Variants in SP8 observed in about 807,000 individuals in gnomAD.
SP8 encodes transcription factor Sp8.
Under a neutral mutation model 15.3 loss-of-function variants are expected in SP8, and 7 were observed. The observed-to-expected ratio is 0.46, with a 90% confidence interval of 0.26 to 0.86. The LOEUF (loss-of-function observed/expected upper bound fraction) is 0.86. SP8 is among the 40% of genes least tolerant of loss of function. The pLI is 0.16. For missense variants in SP8, 731 were observed against 736.4 expected (o/e 0.99, Z 0.09); for synonymous variants, 415 against 356.3 (o/e 1.16, Z -1.86).
rs1425304055 is a variant in SP8 at position 20,784,527 on chromosome 7, G to A, written c.1290C>T (p.Gly430=). The change falls in exon 2 of 2, where the codon GGC becomes GGT. Residue 430 remains glycine (G), a synonymous_variant. Transcript: ENST00000418710. ...AAACTGGACAGGCGAAGCGCTTCTC[G>A]CCGGTGTGGGTCCGCAGGTGCCGCT... ...ELQRHLRTHT[G]EKRFACPVCN... is the part of the protein sequence containing the mutation. 2 of 1,576,538 alleles carry A rather than the reference G, an allele frequency of 1.3e-6. No individual in the cohort carries two copies. Among genetic ancestry groups the A allele is most frequent in the Non-Finnish European group, 1.7e-6 (2 of 1,162,380 alleles).
In SP8 at chr7:20,785,948, C is replaced by G. The variant is rs560449240; in HGVS notation, c.22-153G>C. On this transcript the variant is annotated intron_variant, in intron 1 of 1. Transcript: ENST00000418710. This position sits in a 1 kb window ranked among gnomAD's most constrained non-coding sequence, Gnocchi z 7.2. The stretch of plus-strand genomic sequence containing the variant: ...CTGCGGCGCGCCGCCACCAACTCAC[C>G]TGGCACCCCCAACAGCCCCGGCGCC... The G allele has an allele frequency of 6.8e-7, 1 of 1,462,674 alleles. No homozygotes were observed. The highest frequency in any genetic ancestry group is 9.0e-7 in the Non-Finnish European group (1 of 1,105,376). The allele number at this position is 1,462,674 out of a possible 1,614,324, so 90.6% of individuals were successfully genotyped here.
In SP8 at chr7:20,785,250, C is replaced by T; in HGVS notation, c.567G>A (p.Gly189=). ...CCACCCGCGGGTAGATGCCCTGCAG[C>T]CCGTCCACAGAGGTGTGCACCTTGG... The part of the protein sequence containing the change: ...FISKVHTSVD[G]LQGIYPRVGM... The change falls in exon 2 of 2, where the codon GGG becomes GGA. Residue 189 remains glycine, a synonymous_variant. Coordinates refer to ENST00000418710, the MANE Select transcript of SP8 (RefSeq NM_182700.6). This position sits in a 1 kb window ranked among gnomAD's most constrained non-coding sequence, Gnocchi z 7.2. The T allele has an allele frequency of 6.3e-7, 1 of 1,596,734 alleles. No homozygotes were observed. Among genetic ancestry groups the T allele is most frequent in the South Asian group, 1.1e-5 (1 of 88,920 alleles).
chr7:20,785,181 C>G lies in SP8; in HGVS notation c.636G>C (p.Pro212=), dbSNP rs1783625458. The change falls in exon 2 of 2, where the codon CCG becomes CCC. Residue 212 remains proline (P), a synonymous_variant. Coordinates refer to ENST00000418710, the MANE Select transcript of SP8 (RefSeq NM_182700.6). This position sits in a 1 kb window ranked among gnomAD's most constrained non-coding sequence, Gnocchi z 7.2. ...PYESWFKPSH[P]GLGAAGEVGS... ...CCACCTCGCCCGCAGCACCCAGGCCCGGGTGCGAGGGCTTAAACCACGACT... is the reference window on the plus strand; with the variant it reads ...CCACCTCGCCCGCAGCACCCAGGCCGGGGTGCGAGGGCTTAAACCACGACT... The G allele has an allele frequency of 6.3e-7, 1 of 1,598,920 alleles. No homozygotes were observed. Among genetic ancestry groups the G allele is most frequent in the Non-Finnish European group, 8.5e-7 (1 of 1,174,324 alleles).
chr7:20,784,544 G>A lies in SP8; in HGVS notation c.1273C>T (p.Leu425=), dbSNP rs761189822. ...FTRSDELQRH[L]RTHTGEKRFA... is the part of the protein sequence containing the mutation. ...CGCTTCTCGCCGGTGTGGGTCCGCA[G>A]GTGCCGCTGCAGCTCGTCGGAGCGC... The change falls in exon 2 of 2, where the codon CTG becomes TTG. Residue 425 remains leucine, a synonymous_variant. Coordinates refer to ENST00000418710, the MANE Select transcript of SP8 (RefSeq NM_182700.6). 8 of 1,590,734 alleles carry A rather than the reference G, an allele frequency of 5.0e-6. No individual in the cohort carries two copies. Among genetic ancestry groups the A allele is most frequent in the Admixed American group, 3.5e-5 (2 of 56,616 alleles).
In SP8 at chr7:20,784,399, T is replaced by C. The variant is rs945618450; in HGVS notation, c.1418A>G (p.Lys473Arg). Residue 473 changes from lysine (K) to arginine (R), a missense_variant, in exon 2 of 2, where the codon AAG becomes AGG. By Grantham distance (26) the Lys-to-Arg change is conservative. This residue lies in a region of SP8 where 114 missense variants were observed against 111.9 expected (regional missense o/e 1.02). Transcript: ENST00000418710. ...GGSAGSGSGGKKGSDTDSEHS... is the reference protein window; with the variant it reads ...GGSAGSGSGGRKGSDTDSEHS... ...CTCGCTGTCGGTGTCGCTGCCCTTC[T>C]TGCCGCCGCTGCCCGAGCCCGCCGA... is the stretch of plus-strand genomic sequence containing the variant. The C allele has an allele frequency of 1.0e-5, 16 of 1,527,334 alleles. No individual in the cohort carries two copies. The African/African-American group carries it at 2.1e-4, about 20-fold the overall frequency. The allele number at this position is 1,527,334 out of a possible 1,614,324, so 94.6% of individuals were successfully genotyped here.
At position 20,785,417 on chromosome 7, in the gene SP8, CGG is replaced by C; in HGVS notation, c.398_399del (p.Ala133GlyfsTer75). 2.5e-6 allele frequency: 3 copies of C among 1,187,032 alleles called. No individual in the cohort carries two copies. Among genetic ancestry groups the C allele is most frequent in the Non-Finnish European group, 3.2e-6 (3 of 943,506 alleles). The allele number at this position is 1,187,032 out of a possible 1,614,324, so 73.5% of individuals were successfully genotyped here. ...AAAAAAAAAAAASSSPFANDY... is the reference protein window; with the variant it reads ...AAAAAAAAAAXASSSPFANDY... ...TCGTTGGCGAAGGGCGAGCTGGAGG[CGG>C]CGGCTGCGGCGGCGGCGGCGGCGGC... is the stretch of plus-strand genomic sequence containing the variant. On this transcript the variant is annotated frameshift_variant, in exon 2 of 2. Coordinates refer to ENST00000418710, the MANE Select transcript of SP8 (RefSeq NM_182700.6). LOFTEE classifies it low-confidence loss of function (END_TRUNC). This position sits in a 1 kb window ranked among gnomAD's most constrained non-coding sequence, Gnocchi z 7.2.
At position 20,785,847 on chromosome 7, in the gene SP8, G is replaced by T; in HGVS notation, c.22-52C>A. 1 of 1,536,012 alleles carries T rather than the reference G, an allele frequency of 6.5e-7. No homozygotes were observed. The highest frequency in any genetic ancestry group is 1.4e-5 in the African/African-American group (1 of 73,396). On this transcript the variant is annotated intron_variant, in intron 1 of 1. Transcript: ENST00000418710. This position sits in a 1 kb window ranked among gnomAD's most constrained non-coding sequence, Gnocchi z 7.2. ...GGGGAGGGGAGGTGGGCAAAGGGCC[G>T]GTGGGGGAGGAAAGGAAGAAATGTG...
At position 20,783,942 on chromosome 7, in the gene SP8, A is replaced by T; in HGVS notation, c.*348T>A. The stretch of plus-strand genomic sequence containing the variant: ...CTACCTCCAGTGGCCGTTCCCTCTA[A>T]AAGTTACGCCCTTCACAACCTGGGG... On this transcript the variant is annotated 3_prime_UTR_variant, in exon 2 of 2. Coordinates refer to ENST00000418710, the MANE Select transcript of SP8 (RefSeq NM_182700.6). The T allele has an allele frequency of 3.5e-6, 1 of 289,390 alleles. No individual in the cohort carries two copies. The highest frequency in any genetic ancestry group is 6.3e-6 in the Non-Finnish European group (1 of 159,474). The allele number at this position is 289,390 out of a possible 1,614,324, so 17.9% of individuals were successfully genotyped here. A position where few individuals can be genotyped will look rare whatever the true frequency, so the allele number is the denominator to read the frequency against.
rs1259591593 is a variant in SP8, at chr7:20,784,931, G to A, written c.886C>T (p.His296Tyr). The A allele has an allele frequency of 6.5e-7, 1 of 1,550,266 alleles. No individual in the cohort carries two copies. The highest frequency in any genetic ancestry group is 8.7e-7 in the Non-Finnish European group (1 of 1,154,790). Residue 296 changes from histidine (H) to tyrosine (Y), a missense_variant, in exon 2 of 2, where the codon CAC becomes TAC. Physicochemically the swap from His to Tyr is moderately conservative, Grantham distance 83. Coordinates refer to ENST00000418710, the MANE Select transcript of SP8 (RefSeq NM_182700.6). ...SSHLLSPAGQ[H>Y]LMDGFKPVLP... ...ACTGGCTTGAAGCCGTCCATGAGGT[G>A]CTGCCCGGCGGGGCTGAGCAGGTGC... is the stretch of plus-strand genomic sequence containing the variant.
In SP8 at chr7:20,784,181, G is replaced by A. The variant is rs936360945; in HGVS notation, c.*109C>T. 1.1e-4 allele frequency: 108 copies of A among 983,224 alleles called. No individual in the cohort carries two copies. Among genetic ancestry groups the A allele is most frequent in the Non-Finnish European group, 1.5e-4 (106 of 722,446 alleles). 60.9% of individuals were successfully genotyped at this position (983,224 alleles called of 1,614,324 possible). A position where few individuals can be genotyped will look rare whatever the true frequency, so the allele number is the denominator to read the frequency against. The stretch of plus-strand genomic sequence containing the variant: ...AGGGGCAGAAACAGAAAGAGACAGA[G>A]AGCGAGTCGGATGCAATAGGGAAAG... On this transcript the variant is annotated 3_prime_UTR_variant, in exon 2 of 2. Transcript: ENST00000418710.
rs772398808 is a variant in SP8 at position 20,785,257 on chromosome 7, A to C, written c.560T>G (p.Val187Gly). 6.3e-7 allele frequency: 1 copy of C among 1,594,978 alleles called. No individual in the cohort carries two copies. Among genetic ancestry groups the C allele is most frequent in the African/African-American group, 1.4e-5 (1 of 72,754 alleles). ...CGGGTAGATGCCCTGCAGCCCGTCC[A>C]CAGAGGTGTGCACCTTGGAGATGAA... ...PVFISKVHTS[V>G]DGLQGIYPRV... is the part of the protein sequence containing the mutation. The change falls in exon 2 of 2, where the codon GTG becomes GGG. Residue 187 changes from valine to glycine, a missense_variant. Physicochemically the swap from Val to Gly is moderately radical, Grantham distance 109. This residue lies in a region of SP8 where 586 missense variants were observed against 524.9 expected (regional missense o/e 1.12). Coordinates refer to ENST00000418710, the MANE Select transcript of SP8 (RefSeq NM_182700.6). The surrounding 1 kb of genome is among the most constrained non-coding windows in gnomAD (Gnocchi z 7.2).
Position 20,783,957 on chromosome 7 carries a change from A to T in SP8, c.*333T>A. ...GTTCCCTCTAAAAGTTACGCCCTTC[A>T]CAACCTGGGGGGTGGAGGAGGGGAG... On this transcript the variant is annotated 3_prime_UTR_variant, in exon 2 of 2. Coordinates refer to ENST00000418710, the MANE Select transcript of SP8 (RefSeq NM_182700.6). The T allele has an allele frequency of 3.0e-6, 1 of 328,332 alleles. No individual in the cohort carries two copies. The highest frequency in any genetic ancestry group is 5.4e-6 in the Non-Finnish European group (1 of 184,008). 20.3% of individuals were successfully genotyped at this position (328,332 alleles called of 1,614,324 possible).
Position 20,785,717 on chromosome 7 carries a change from G to C in SP8, c.100C>G (p.Pro34Ala), listed in dbSNP as rs746109340. The change falls in exon 2 of 2, where the codon CCC becomes GCC. Residue 34 changes from proline to alanine, a missense_variant. This residue lies in a region of SP8 where 586 missense variants were observed against 524.9 expected (regional missense o/e 1.12). Coordinates refer to ENST00000418710, the MANE Select transcript of SP8 (RefSeq NM_182700.6). This position sits in a 1 kb window ranked among gnomAD's most constrained non-coding sequence, Gnocchi z 7.2. ...GAAGAGCTGTCCGAGAGGGAGGAGGGAGACGGGCTGGGGCTGCCTATCTTA... is the reference window on the plus strand; with the variant it reads ...GAAGAGCTGTCCGAGAGGGAGGAGGCAGACGGGCTGGGGCTGCCTATCTTA... ...CNKIGSPSPS[P>A]SSLSDSSSSF... 44 of 1,613,850 alleles carry C rather than the reference G, an allele frequency of 2.7e-5. No homozygotes were observed. The highest frequency in any genetic ancestry group is 4.0e-5 in the African/African-American group (3 of 74,880).
At position 20,785,504 on chromosome 7, in the gene SP8, A is replaced by G; in HGVS notation, c.313T>C (p.Phe105Leu). The G allele has an allele frequency of 2.1e-6, 3 of 1,445,332 alleles. No individual in the cohort carries two copies. The Admixed American group carries it at 9.1e-5, about 44-fold the overall frequency. The allele number at this position is 1,445,332 out of a possible 1,614,324, so 89.5% of individuals were successfully genotyped here. A position where few individuals can be genotyped will look rare whatever the true frequency, so the allele number is the denominator to read the frequency against. ...GAGCCAGGCGAGCCGCCGCAGCTGAACGAGTCGGACACCAGGGCCGCGGCA... is the reference window on the plus strand; with the variant it reads ...GAGCCAGGCGAGCCGCCGCAGCTGAGCGAGTCGGACACCAGGGCCGCGGCA... The part of the protein sequence containing the change: ...AAAAALVSDS[F>L]SCGGSPGSSA... Residue 105 changes from phenylalanine to leucine, a missense_variant, in exon 2 of 2, where the codon TTC becomes CTC. This residue lies in a region of SP8 where 586 missense variants were observed against 524.9 expected (regional missense o/e 1.12). Coordinates refer to ENST00000418710, the MANE Select transcript of SP8 (RefSeq NM_182700.6). This position sits in a 1 kb window ranked among gnomAD's most constrained non-coding sequence, Gnocchi z 7.2.
rs1248891069 is a variant in SP8 at position 20,786,795 on chromosome 7, C to T, written c.4G>A (p.Ala2Thr). Residue 2 changes from alanine (A) to threonine (T), a missense_variant, in exon 1 of 2, where the codon GCA becomes ACA. By Grantham distance (58) the Ala-to-Thr change is moderately conservative. Transcript: ENST00000418710. This position sits in a 1 kb window ranked among gnomAD's most constrained non-coding sequence, Gnocchi z 4.4. M[A>T]TSLLGEEPRL... The stretch of plus-strand genomic sequence containing the variant: ...AGACTCACCCCTAGAAGTGAAGTTG[C>T]CATCACACAAAAGTGCCCTCCTCCT... 1.2e-6 allele frequency: 2 copies of T among 1,613,172 alleles called. No individual in the cohort carries two copies. The highest frequency in any genetic ancestry group is 1.1e-5 in the South Asian group (1 of 91,068).
chr7:20,786,643 T>G lies in SP8; in HGVS notation c.21+135A>C. On this transcript the variant is annotated intron_variant, in intron 1 of 1. Transcript: ENST00000418710. The surrounding 1 kb of genome is among the most constrained non-coding windows in gnomAD (Gnocchi z 4.4). ...TTTTTCTTTTCTCCAAACTCACTTG[T>G]ATTTAAAGAAAAAAAAAAAAAGCTC... 1 of 765,212 alleles carries G rather than the reference T, an allele frequency of 1.3e-6. No homozygotes were observed. Among genetic ancestry groups the G allele is most frequent in the Non-Finnish European group, 2.3e-6 (1 of 436,544 alleles). The allele number at this position is 765,212 out of a possible 1,614,324, so 47.4% of individuals were successfully genotyped here.
Position 20,786,027 on chromosome 7 carries a change from C to T in SP8, c.22-232G>A. On this transcript the variant is annotated intron_variant, in intron 1 of 1. Coordinates refer to ENST00000418710, the MANE Select transcript of SP8 (RefSeq NM_182700.6). This position sits in a 1 kb window ranked among gnomAD's most constrained non-coding sequence, Gnocchi z 4.4. ...CAAGTTTGGCTGCCGGCGTCTGATT[C>T]GGGAGCAAGCACCACGCTAAAGAAG... 2 of 1,394,656 alleles carry T rather than the reference C, an allele frequency of 1.4e-6. No homozygotes were observed. Among genetic ancestry groups the T allele is most frequent in the Non-Finnish European group, 1.9e-6 (2 of 1,075,946 alleles). 86.4% of individuals were successfully genotyped at this position (1,394,656 alleles called of 1,614,324 possible).
rs1454852340 is a variant in SP8 at position 20,784,278 on chromosome 7, G to A, written c.*12C>T. The A allele has an allele frequency of 6.9e-7, 1 of 1,448,088 alleles. No homozygotes were observed. The highest frequency in any genetic ancestry group is 9.0e-7 in the Non-Finnish European group (1 of 1,106,084). The allele number at this position is 1,448,088 out of a possible 1,614,324, so 89.7% of individuals were successfully genotyped here. ...GAGGAGGTCGGGGAGAGGGGCGGGC[G>A]CAGGGTGGGCGTCACTCTAGGCCGT... On this transcript the variant is annotated 3_prime_UTR_variant, in exon 2 of 2. Transcript: ENST00000418710.
chr7:20,784,519 C>T lies in SP8; in HGVS notation c.1298G>A (p.Arg433His). The change falls in exon 2 of 2, where the codon CGC becomes CAC. Residue 433 changes from arginine (R) to histidine (H), a missense_variant. Around this residue, in one of 3 missense-constraint regions of SP8, gnomAD observed 31 missense variants for 99.6 expected, o/e 0.31. Transcript: ENST00000418710. ...CTTGTTGCAAACTGGACAGGCGAAG[C>T]GCTTCTCGCCGGTGTGGGTCCGCAG... ...RHLRTHTGEKRFACPVCNKRF... is the reference protein window; with the variant it reads ...RHLRTHTGEKHFACPVCNKRF... 2 of 1,568,966 alleles carry T rather than the reference C, an allele frequency of 1.3e-6. No individual in the cohort carries two copies. The highest frequency in any genetic ancestry group is 8.6e-7 in the Non-Finnish European group (1 of 1,158,346).
Sources: allele counts gnomAD v4.1 joint callset, GRCh38; gene constraint gnomAD v4.1.1; regional missense constraint gnomAD v4.1.1; non-coding constraint Gnocchi (gnomAD v3.1); transcripts MANE v1.5; gene names NCBI Gene and HGNC (gene_info 2026-07-23, HGNC 2026-07-21).